Variants in STAB1 observed in about 807,000 individuals in gnomAD.
The protein encoded by STAB1 is stabilin-1.
STAB1 carries 250 observed loss-of-function variants against 332.4 expected under a neutral mutation model. That is an observed-to-expected ratio of 0.75 (90% CI 0.68 to 0.84). STAB1 has a LOEUF of 0.84. Ranked by LOEUF, STAB1 falls within the 40% of genes least tolerant of loss-of-function variation. STAB1 has a pLI of 0.00. For synonymous variants in STAB1, 1,475 were observed against 1,390.4 expected (o/e 1.06, Z -1.35); for missense variants, 3,249 against 3,489.7 (o/e 0.93, Z 1.74).
In STAB1 at chr3:52,522,575, C is replaced by CAA. The variant is rs2079111134; in HGVS notation, c.6632_6633insAA (p.His2211GlnfsTer12). ...TGCAGAGAAACGGGCTGGCGTTTTC[C>CAA]ACCTCCAGGCCACCAGCGGCCCTTA... On this transcript the variant is annotated frameshift_variant, in exon 61 of 69. Transcript: ENST00000321725. LOFTEE classifies it high-confidence loss of function. The CAA allele has an allele frequency of 6.2e-7, 1 of 1,612,928 alleles. No individual in the cohort carries two copies. The highest frequency in any genetic ancestry group is 8.5e-7 in the Non-Finnish European group (1 of 1,180,044).
Position 52,518,559 on chromosome 3 carries a change from T to C in STAB1, c.4833T>C (p.Asp1611=). 1 of 1,596,408 alleles carries C rather than the reference T, an allele frequency of 6.3e-7. No individual in the cohort carries two copies. The change falls in exon 47 of 69, where the codon GAT becomes GAC. Residue 1611 remains aspartate (D), a synonymous_variant. Transcript: ENST00000321725. ...RLLEYKELKG[D]GPFTIFVPHA... Reference sequence around the variant, plus strand: ...AGGAATATAAGGAGCTCAAGGGCGATGGGCCTTTCACCATCTTCGTGCCGC... The same window carrying C: ...AGGAATATAAGGAGCTCAAGGGCGACGGGCCTTTCACCATCTTCGTGCCGC...
At chr3:52,517,164 G>A in intron 42 of STAB1, 55 bp downstream of exon 42, 1 of 1,511,914 alleles carries the variant, frequency 6.6e-7, no homozygotes, top group Non-Finnish European at 8.8e-7. Flanking sequence ...TGGCTTCAGT[G>A]ATCTGAGTCA....
In STAB1 at chr3:52,495,400, C is replaced by T. The variant is rs540683851; in HGVS notation, c.-14C>T. 1.9e-5 allele frequency: 25 copies of T among 1,336,104 alleles called. No homozygotes were observed. Among genetic ancestry groups the T allele is most frequent in the Non-Finnish European group, 2.2e-5 (23 of 1,036,202 alleles). 82.8% of individuals were successfully genotyped at this position (1,336,104 alleles called of 1,614,324 possible). A position where few individuals can be genotyped will look rare whatever the true frequency, so the allele number is the denominator to read the frequency against. Reference sequence around the variant, plus strand: ...TACGCCCCGACTCTGTCCTGGACAGCGTGCCCACCAGCCATGGCGGGGCCC... The same window carrying T: ...TACGCCCCGACTCTGTCCTGGACAGTGTGCCCACCAGCCATGGCGGGGCCC... On this transcript the variant is annotated 5_prime_UTR_variant, in exon 1 of 69. Coordinates refer to ENST00000321725, the MANE Select transcript of STAB1 (RefSeq NM_015136.3).
chr3:52,506,918 T>G, intron 18 of STAB1, 68 bp downstream of exon 18: 4 of 1,576,272 alleles, frequency 2.5e-6, no homozygotes, highest in Non-Finnish European at 3.5e-6. Context: ...GGCAATCCTC[T>G]TCCCAGGGAG....
At chr3:52,523,800 A>G (rs1294001970) in intron 66 of STAB1, 44 bp downstream of exon 66, 11 of 1,587,438 alleles carry the variant, frequency 6.9e-6, no homozygotes, top group Non-Finnish European at 9.5e-6. Context: ...TGGCACCCCC[A>G]CAACCTGTGA....
At chr3:52,513,358 C>A in intron 30 of STAB1, 117 bp downstream of exon 30, 1 of 991,234 alleles carries the variant, frequency 1.0e-6, no homozygotes. Flanking sequence ...GTCCCCTCGC[C>A]CTGCCCAGAG....
In STAB1 at chr3:52,524,325, C is replaced by G; in HGVS notation, c.7682C>G (p.Pro2561Arg). 4 of 1,613,928 alleles carry G rather than the reference C, an allele frequency of 2.5e-6. No individual in the cohort carries two copies. Among genetic ancestry groups the G allele is most frequent in the Non-Finnish European group, 3.4e-6 (4 of 1,180,018 alleles). ...GACTCACTGCTGGAGGAGGACTTCCCTGACACCCAGAGGATCCTCACAGTC... is the reference window on the plus strand; with the variant it reads ...GACTCACTGCTGGAGGAGGACTTCCGTGACACCCAGAGGATCCTCACAGTC... The part of the protein sequence containing the change: ...FDDSLLEEDF[P>R]DTQRILTVK Residue 2561 changes from proline (P) to arginine (R), a missense_variant, in exon 69 of 69, where the codon CCT becomes CGT. Transcript: ENST00000321725.
intron 54 of STAB1, 45 bp downstream of exon 54, chr3:52,520,743 C>T (rs1240675193): frequency 1.6e-5 from 26 of 1,612,458 alleles, no homozygotes; most frequent in Non-Finnish European, 2.1e-5. Context: ...TGGGGGCAGG[C>T]AGAGCCCAAG....
intron 47 of STAB1, 46 bp from the exon 48 acceptor site, chr3:52,518,677 T>C: frequency 6.2e-7 from 1 of 1,611,916 alleles, no homozygotes; most frequent in Non-Finnish European, 8.5e-7. Flanking sequence ...CTGCGTGGGC[T>C]GAGGCGGCAG....
chr3:52,519,491 G>C lies in STAB1; in HGVS notation c.5176-14G>C, dbSNP rs1168943822. The C allele has an allele frequency of 1.2e-6, 2 of 1,613,182 alleles. No homozygotes were observed. On this transcript the variant is annotated splice_polypyrimidine_tract_variant and intron_variant, in intron 49 of 68. Transcript: ENST00000321725. ...TCCCGCCTGGCCTAGCTGTTTATGA[G>C]AGCCTTTCCTCAGAGAAATGTCACC...
Position 52,514,776 on chromosome 3 carries a change from G to A in STAB1, c.3754G>A (p.Val1252Ile), listed in dbSNP as rs1390426168. Residue 1252 changes from valine (V) to isoleucine (I), a missense_variant, in exon 35 of 69, where the codon GTC (valine) becomes ATC (isoleucine). Coordinates refer to ENST00000321725, the MANE Select transcript of STAB1 (RefSeq NM_015136.3). The part of the protein sequence containing the change: ...PGRSLIGLSG[V>I]LTVGSSRCLH... ...CCGCTCGCTGATTGGTCTGTCGGGG[G>A]TCCTGACGGTGGGCTCAAGTCGCTG... 2.5e-6 allele frequency: 4 copies of A among 1,612,996 alleles called. No individual in the cohort carries two copies. The South Asian group carries it at 3.3e-5, about 13-fold the overall frequency.
intron 1 of STAB1, among the ~76,000 whole-genome samples, 179 bp downstream of exon 1, chr3:52,495,670 TG>T (rs1339731419): frequency 1.3e-5 from 2 of 152,192 alleles, no homozygotes; most frequent in African/African-American, 4.8e-5. Context: ...GTCTGAGGTC[TG>T]CGTCCAGCCA....
Position 52,511,757 on chromosome 3 carries a change from C to T in STAB1, c.2883+12C>T, listed in dbSNP as rs1488591333. 1.9e-6 allele frequency: 3 copies of T among 1,566,564 alleles called. No individual in the cohort carries two copies. The highest frequency in any genetic ancestry group is 2.6e-6 in the Non-Finnish European group (3 of 1,151,924). On this transcript the variant is annotated intron_variant, in intron 26 of 68. Coordinates refer to ENST00000321725, the MANE Select transcript of STAB1 (RefSeq NM_015136.3). Reference sequence around the variant, plus strand: ...GCTGCCACGGCCTGGTAAGGGGGTGCAAGGCTCAGAGCCCTGGGGAAGCTT... The same window carrying T: ...GCTGCCACGGCCTGGTAAGGGGGTGTAAGGCTCAGAGCCCTGGGGAAGCTT...
At chr3:52,502,263 G>C (rs769429961) in intron 5 of STAB1, 35 bp downstream of exon 5, 8 of 1,599,988 alleles carry the variant, frequency 5.0e-6, no homozygotes, top group Non-Finnish European at 2.5e-6. Context: ...CACGGCCAGC[G>C]TCCACCTGGG....
intron 1 of STAB1, 60 bp from the exon 2 acceptor site, chr3:52,501,106 A>C: frequency 6.3e-7 from 1 of 1,581,530 alleles, no homozygotes; most frequent in Non-Finnish European, 8.6e-7. Context: ...AGCACTGAGG[A>C]CAGGGTCAGG....
chr3:52,504,948 C>A (rs906523025), intron 12 of STAB1, 55 bp from the exon 13 acceptor site: 4 of 1,612,442 alleles, frequency 2.5e-6, no homozygotes, highest in Non-Finnish European at 3.4e-6. Context: ...GGGAGGGAGC[C>A]TCCGGACAGG....
At chr3:52,517,277 G>C in intron 42 of STAB1, 43 bp from the exon 43 acceptor site, 1 of 1,520,410 alleles carries the variant, frequency 6.6e-7, no homozygotes, top group Non-Finnish European at 8.8e-7. Flanking sequence ...AGGAAGGGGG[G>C]GGCCACTAAG....
chr3:52,501,897 G>A, intron 3 of STAB1, 109 bp from the exon 4 acceptor site: 2 of 1,462,036 alleles, frequency 1.4e-6, no homozygotes, highest in Non-Finnish European at 1.9e-6. Context: ...CGGCCCCCTT[G>A]CTCTTGCTTC....
rs763192280 is a variant in STAB1, at chr3:52,522,394, C to A, written c.6530C>A (p.Ser2177Ter). The change falls in exon 60 of 69, where the codon TCG becomes TAG. Residue 2177 changes from serine (S) to a stop codon, truncating the protein, a stop_gained. Coordinates refer to ENST00000321725, the MANE Select transcript of STAB1 (RefSeq NM_015136.3). LOFTEE classifies it high-confidence loss of function. Reference sequence around the variant, plus strand: ...GATGGACTGCAGTGTCTGGAGGAGTCGGAACCACCTGTGGACCGCTGCTTG... The same window carrying A: ...GATGGACTGCAGTGTCTGGAGGAGTAGGAACCACCTGTGGACCGCTGCTTG... ...VGDGLQCLEE[S>*]EPPVDRCLGQ... The A allele has an allele frequency of 9.9e-6, 16 of 1,612,848 alleles. No individual in the cohort carries two copies. Among genetic ancestry groups the A allele is most frequent in the Non-Finnish European group, 1.4e-5 (16 of 1,180,026 alleles).
Sources: allele counts gnomAD v4.1 joint callset (sites outside exome capture counted in the v4.1 genomes callset), GRCh38; gene constraint gnomAD v4.1.1; transcripts MANE v1.5; gene names NCBI Gene and HGNC (gene_info 2026-07-23, HGNC 2026-07-21).